Variants in ACYP2 observed in about 807,000 individuals in gnomAD.
ACYP2 encodes acylphosphatase 2.
Under a neutral mutation model 11.2 loss-of-function variants are expected in ACYP2, and 12 were observed. The ratio of observed to expected loss-of-function variants is 1.08; its 90% confidence interval spans 0.69 to 1.74. ACYP2 has a LOEUF of 1.74. ACYP2 is among the 40% of genes most tolerant of loss of function. The probability of loss-of-function intolerance (pLI) is 0.00; values close to 1 mark genes in which losing one functional copy is unlikely to be tolerated. For missense variants in ACYP2, 134 were observed against 101.9 expected, an observed-to-expected ratio of 1.31 and a Z score of -1.35; for synonymous variants, 43 against 32.2, an observed-to-expected ratio of 1.33 and a Z score of -1.13.
At chr2:54,256,347 GT>G (rs1211851604) in intron 6 of ACYP2, 1 of 607,866 alleles carries the variant, frequency 1.6e-6, no homozygotes, top group East Asian at 2.9e-5. Flanking sequence ...TTACGTCTTT[GT>G]TATTTTAGCC....
intron 6 of ACYP2, among the ~76,000 whole-genome samples, chr2:54,167,426 C>CA (rs778920923): frequency 2.0e-5 from 3 of 152,146 alleles, no homozygotes; most frequent in Non-Finnish European, 4.4e-5. Context: ...CACTGTATTA[C>CA]AAAAAATCTC....
chr2:54,052,204 C>A (rs988399104), intron 3 of ACYP2, among the ~76,000 whole-genome samples: 16 of 151,932 alleles, frequency 1.1e-4, no homozygotes, highest in Non-Finnish European at 1.9e-4. Flanking sequence ...AGCATTTAAG[C>A]CCCTTGTACA....
intron 6 of ACYP2, among the ~76,000 whole-genome samples, chr2:54,153,263 GAA>G (rs35174995): frequency 1.1e-4 from 17 of 149,946 alleles, no homozygotes; most frequent in African/African-American, 3.7e-4. Flanking sequence ...GGAACCTTTG[GAA>G]AAAAAAAAAT....
intron 6 of ACYP2, among the ~76,000 whole-genome samples, chr2:54,181,178 C>A (rs1334469072): frequency 6.6e-6 from 1 of 152,160 alleles, no homozygotes; most frequent in Non-Finnish European, 1.5e-5. Context: ...ATACCATTAA[C>A]ATTTCTCAAG....
intron 6 of ACYP2, among the ~76,000 whole-genome samples, chr2:54,168,452 GAATAA>G (rs1683096339): frequency 6.6e-6 from 1 of 151,414 alleles, no homozygotes; most frequent in Admixed American, 6.6e-5. Flanking sequence ...AAATAGAATA[GAATAA>G]AATAAAATAA....
At chr2:54,294,047 C>A (rs1264813856) in intron 6 of ACYP2, among the ~76,000 whole-genome samples, 1 of 151,986 alleles carries the variant, frequency 6.6e-6, no homozygotes, top group Non-Finnish European at 1.5e-5. Flanking sequence ...CATTATCTGT[C>A]TTTATTTTTT....
intron 4 of ACYP2, among the ~76,000 whole-genome samples, chr2:54,116,084 T>A (rs1679774250): frequency 1.3e-5 from 2 of 151,784 alleles, no homozygotes; most frequent in Non-Finnish European, 2.9e-5. Context: ...AAGAAGAGGG[T>A]CTTTTAACTA....
intron 4 of ACYP2, among the ~76,000 whole-genome samples, chr2:54,106,191 G>T (rs1175620273): frequency 1.3e-5 from 2 of 152,004 alleles, no homozygotes; most frequent in African/African-American, 2.4e-5. Context: ...ACACTGTACT[G>T]CATTCATCAC....
intron 6 of ACYP2, among the ~76,000 whole-genome samples, chr2:54,276,678 T>C (rs1184859578): frequency 6.9e-6 from 1 of 145,946 alleles, no homozygotes; most frequent in Admixed American, 6.8e-5. Context: ...ACAAGAAAAA[T>C]TGTTTTTTTC....
In ACYP2 at chr2:54,102,303, G is replaced by A. The variant is rs534116672; in HGVS notation, c.278-33150G>A. Among the ~76,000 whole-genome samples the A allele has an allele frequency of 7.2e-5, 11 of 152,280 alleles. No individual in the cohort carries two copies. In the South Asian group the frequency reaches 2.1e-3, roughly 29 times the overall value. ...TAATTGTTTTGGAACTCTGTACAAT[G>A]AGCTGATGACATTGTTACAATGAGA... is the stretch of plus-strand genomic sequence containing the variant. On this transcript the variant is annotated intron_variant, in intron 4 of 6. Coordinates refer to ENST00000607452, the MANE Select transcript of ACYP2 (RefSeq NM_001320586.2).
At chr2:54,041,398 A>T (rs187992439) in intron 2 of ACYP2, among the ~76,000 whole-genome samples, 2 of 152,314 alleles carry the variant, frequency 1.3e-5, no homozygotes, top group Admixed American at 6.5e-5. Flanking sequence ...GGGCATCAGA[A>T]TGATGAGGGG....
intron 2 of ACYP2, among the ~76,000 whole-genome samples, chr2:53,989,195 G>A (rs866781412): frequency 6.6e-6 from 1 of 151,426 alleles, no homozygotes; most frequent in Admixed American, 6.6e-5. Flanking sequence ...TGGCACCATC[G>A]ACTATTGTGA....
At chr2:54,299,604 A>G (rs553587304) in intron 6 of ACYP2, among the ~76,000 whole-genome samples, 20 of 151,950 alleles carry the variant, frequency 1.3e-4, no homozygotes, top group African/African-American at 4.1e-4. Flanking sequence ...AAAAAAAAAA[A>G]AAAAGAAAAG....
chr2:54,234,076 G>C (rs1359628483), intron 6 of ACYP2, among the ~76,000 whole-genome samples: 1 of 152,138 alleles, frequency 6.6e-6, no homozygotes, highest in Non-Finnish European at 1.5e-5. Flanking sequence ...CAGGTCTGTA[G>C]GTGGTTGCCT....
chr2:54,131,660 C>T (rs1680906512), intron 4 of ACYP2, among the ~76,000 whole-genome samples: 1 of 152,206 alleles, frequency 6.6e-6, no homozygotes, highest in Non-Finnish European at 1.5e-5. Context: ...ATTACCAACA[C>T]CAACTTGAAC....
chr2:54,017,601 C>G (rs1197207511), intron 2 of ACYP2, among the ~76,000 whole-genome samples: 1 of 152,096 alleles, frequency 6.6e-6, no homozygotes, highest in African/African-American at 2.4e-5. Flanking sequence ...ACATTCAGCC[C>G]ATAGAAATTT....
intron 2 of ACYP2, among the ~76,000 whole-genome samples, chr2:54,005,216 T>G (rs964545624): frequency 2.0e-5 from 3 of 152,216 alleles, no homozygotes; most frequent in Non-Finnish European, 2.9e-5. Context: ...ATATCTAGAT[T>G]TGTGTGTGCA....
chr2:54,095,702 G>T (rs1292674663), intron 4 of ACYP2, among the ~76,000 whole-genome samples: 4 of 128,654 alleles, frequency 3.1e-5, no homozygotes, highest in Non-Finnish European at 5.0e-5. Context: ...GGCTGGCCGG[G>T]CAGAGGGGCT....
At chr2:53,984,195 A>G (rs775388899) in intron 2 of ACYP2, among the ~76,000 whole-genome samples, 1 of 152,202 alleles carries the variant, frequency 6.6e-6, no homozygotes, top group Non-Finnish European at 1.5e-5. Flanking sequence ...GTAGCTAGCA[A>G]TTAGGAACAA....
Sources: gnomAD v4.1 joint callset for allele counts (sites outside exome capture counted in the v4.1 genomes callset) on GRCh38, gnomAD v4.1.1 for gene constraint, MANE v1.5 for transcripts, NCBI Gene and HGNC (gene_info 2026-07-23, HGNC 2026-07-21) for gene names.